IQCH: variants seen among roughly 807,000 people sequenced by gnomAD.
IQCH encodes the protein IQ motif containing H, also known as IQ domain-containing protein H.
Under a neutral mutation model 117.0 loss-of-function variants are expected in IQCH, and 98 were observed. That is an observed-to-expected ratio of 0.84 (90% CI 0.71 to 0.99). The LOEUF (loss-of-function observed/expected upper bound fraction) is 0.99, where lower values mean the gene tolerates loss of function less well. Among genes scored for constraint, IQCH ranks in the 50% least tolerant of loss-of-function variants. The pLI is 0.00. For missense variants in IQCH, 1,102 were observed against 1,243.8 expected, an observed-to-expected ratio of 0.89 and a Z score of 1.72; for synonymous variants, 412 against 448.2, an observed-to-expected ratio of 0.92 and a Z score of 1.02.
chr15:67,497,024 CAAAA>C (rs753821092), intron 20 of IQCH, among the ~76,000 whole-genome samples: 2 of 35,836 alleles, frequency 5.6e-5, no homozygotes, highest in Non-Finnish European at 1.2e-4. Flanking sequence ...GACTCCGTCT[CAAAA>C]AAAAAAAAAA....
intron 6 of IQCH, 58 bp downstream of exon 6, chr15:67,344,249 AG>A (rs1429165227): frequency 1.9e-5 from 30 of 1,560,778 alleles, no homozygotes; most frequent in Non-Finnish European, 2.6e-5. Flanking sequence ...TCTCTGCCCC[AG>A]ATCTAGCCTT....
chr15:67,408,289 A>G lies in IQCH; in HGVS notation c.2097+7984A>G, dbSNP rs1268322450. 1.3e-5 allele frequency: 2 copies of G among 152,248 alleles called. No individual in the cohort carries two copies. The highest frequency in any genetic ancestry group is 2.9e-5 in the Non-Finnish European group (2 of 68,058). The allele number at this position is 152,248 out of a possible 1,614,324, so 9.4% of individuals were successfully genotyped here. A position where few individuals can be genotyped will look rare whatever the true frequency, so the allele number is the denominator to read the frequency against. On this transcript the variant is annotated intron_variant, in intron 14 of 20. Transcript: ENST00000335894. The surrounding 1 kb of genome is among the most constrained non-coding windows in gnomAD (Gnocchi z 4.2). The stretch of plus-strand genomic sequence containing the variant: ...GCATGGGCATTTGGAACCGTTTCAG[A>G]ATGAGTTTTACTCTCCTCTGACGGT...
intron 3 of IQCH, among the ~76,000 whole-genome samples, chr15:67,272,365 G>A (rs958054184): frequency 3.2e-4 from 48 of 152,258 alleles, no homozygotes; most frequent in Non-Finnish European, 6.2e-4. Flanking sequence ...TCTGGAGAAC[G>A]TTCCATGTGC....
At chr15:67,258,086 C>G (rs1965297135) in intron 1 of IQCH, among the ~76,000 whole-genome samples, 1 of 151,986 alleles carries the variant, frequency 6.6e-6, no homozygotes, top group Non-Finnish European at 1.5e-5. Flanking sequence ...CAAAAATTAG[C>G]TAGGTGTGGT....
intron 4 of IQCH, among the ~76,000 whole-genome samples, chr15:67,329,204 TAGG>T (rs1968549029): frequency 6.6e-6 from 1 of 151,286 alleles, no homozygotes; most frequent in African/African-American, 2.4e-5. Context: ...GAGGCTGAGG[TAGG>T]AGGATTGCTT....
At chr15:67,348,461 A>C (rs944223069) in intron 6 of IQCH, among the ~76,000 whole-genome samples, 1 of 152,116 alleles carries the variant, frequency 6.6e-6, no homozygotes, top group African/African-American at 2.4e-5. Context: ...AAATAAATTG[A>C]ATTTCAATTT....
Position 67,276,152 on chromosome 15 carries a change from AG to A in IQCH, c.270-3242del, listed in dbSNP as rs201159988. On this transcript the variant is annotated intron_variant, in intron 3 of 20. Transcript: ENST00000335894. ...TCAAGCATATGCTGAGGGGGAGAAA[AG>A]CAGTGTACAAAATTATATCTCAATT... Among the ~76,000 whole-genome samples the A allele has an allele frequency of 7.0e-3, 1,067 of 152,326 alleles. 4 individuals are homozygous for A. Among genetic ancestry groups the A allele is most frequent in the Middle Eastern group, 0.024 (7 of 294 alleles).
At position 67,443,360 on chromosome 15, in the gene IQCH, T is replaced by C. The variant is rs748671638; in HGVS notation, c.2506-21767T>C. ...CGGACATCGTATGTTCTCACTGATATGTGGGAGCTAAGCTATGAGGATTCA... is the reference window on the plus strand; with the variant it reads ...CGGACATCGTATGTTCTCACTGATACGTGGGAGCTAAGCTATGAGGATTCA... On this transcript the variant is annotated intron_variant, in intron 16 of 20. Transcript: ENST00000335894. The surrounding 1 kb of genome is among the most constrained non-coding windows in gnomAD (Gnocchi z 5.0). Among the ~76,000 whole-genome samples the C allele has an allele frequency of 6.6e-6, 1 of 152,130 alleles. No individual in the cohort carries two copies. The highest frequency in any genetic ancestry group is 1.5e-5 in the Non-Finnish European group (1 of 68,032).
intron 5 of IQCH, 148 bp from the exon 6 acceptor site, chr15:67,343,915 A>G (rs1969274651): frequency 3.4e-6 from 2 of 586,702 alleles, no homozygotes; most frequent in South Asian, 5.0e-5. Flanking sequence ...TACTGTAGCT[A>G]TTTTTTTATG....
intron 4 of IQCH, among the ~76,000 whole-genome samples, chr15:67,282,890 T>C (rs1044420380): frequency 3.9e-5 from 6 of 152,162 alleles, no homozygotes; most frequent in East Asian, 3.9e-4. Flanking sequence ...TAATTTAGAA[T>C]TGTTTATTAA....
chr15:67,280,037 A>T (rs1213126046), intron 4 of IQCH, among the ~76,000 whole-genome samples: 1 of 152,150 alleles, frequency 6.6e-6, no homozygotes, highest in East Asian at 1.9e-4. Flanking sequence ...TGTGAATTTT[A>T]TGGTATATTA....
chr15:67,457,971 T>A lies in IQCH; in HGVS notation c.2506-7156T>A, dbSNP rs2082698102. Among the ~76,000 whole-genome samples, 1 of 116,226 alleles carries A rather than the reference T, an allele frequency of 8.6e-6. No homozygotes were observed. Among genetic ancestry groups the A allele is most frequent in the African/African-American group, 2.9e-5 (1 of 34,782 alleles). 76.2% of individuals were successfully genotyped at this position (116,226 alleles called of 152,430 possible). A position where few individuals can be genotyped will look rare whatever the true frequency, so the allele number is the denominator to read the frequency against. On this transcript the variant is annotated intron_variant, in intron 16 of 20. Transcript: ENST00000335894. This position sits in a 1 kb window ranked among gnomAD's most constrained non-coding sequence, Gnocchi z 5.7. ...TCTGCCTTGTCCCCTGGGGAAGGCC[T>A]CAGGTCCTATAGACCTCACTTCTCA...
At chr15:67,409,958 G>A (rs2081405534) in intron 14 of IQCH, among the ~76,000 whole-genome samples, 1 of 152,212 alleles carries the variant, frequency 6.6e-6, no homozygotes. Context: ...GTGGGAAGTA[G>A]TTTATGACTT....
chr15:67,337,852 G>A (rs933908739), intron 5 of IQCH, among the ~76,000 whole-genome samples: 1 of 152,042 alleles, frequency 6.6e-6, no homozygotes, highest in African/African-American at 2.4e-5. Flanking sequence ...CTGTTGTCTG[G>A]AATTTTTAGG....
rs1469869040 is a variant in IQCH at position 67,342,020 on chromosome 15, C to T, written c.509-2043C>T. Among the ~76,000 whole-genome samples, 1 of 151,996 alleles carries T rather than the reference C, an allele frequency of 6.6e-6. No individual in the cohort carries two copies. Among genetic ancestry groups the T allele is most frequent in the Non-Finnish European group, 1.5e-5 (1 of 67,998 alleles). On this transcript the variant is annotated intron_variant, in intron 5 of 20. Coordinates refer to ENST00000335894, the MANE Select transcript of IQCH (RefSeq NM_001031715.3). The surrounding 1 kb of genome is among the most constrained non-coding windows in gnomAD (Gnocchi z 4.7). The stretch of plus-strand genomic sequence containing the variant: ...GCACAGTGGCTCACACCTATAATCT[C>T]AGCACCTTGGGAGGCCAAGGCAGGA...
intron 17 of IQCH, among the ~76,000 whole-genome samples, chr15:67,469,727 A>C (rs1334581302): frequency 6.6e-6 from 1 of 152,226 alleles, no homozygotes; most frequent in Non-Finnish European, 1.5e-5. Flanking sequence ...CGAGTACTTT[A>C]CTAAGTGCTT....
At chr15:67,409,964 GACTTGCCAAAGACATTTTC>G (rs1474593879) in intron 14 of IQCH, among the ~76,000 whole-genome samples, 1 of 152,194 alleles carries the variant, frequency 6.6e-6, no homozygotes, top group African/African-American at 2.4e-5. Flanking sequence ...AGTAGTTTAT[GACTTGCCAAAGACATTTTC>G]ATTTTTTCTT....
intron 4 of IQCH, among the ~76,000 whole-genome samples, chr15:67,335,597 T>C (rs960000438): frequency 2.0e-5 from 3 of 152,068 alleles, no homozygotes; most frequent in Admixed American, 6.5e-5. Context: ...AAGCTACTCA[T>C]GTCTGGAGAT....
At position 67,467,932 on chromosome 15, in the gene IQCH, A is replaced by G. The variant is rs2082975402; in HGVS notation, c.2676+2635A>G. 6.6e-6 allele frequency among the ~76,000 whole-genome samples: 1 copy of G among 152,216 alleles called. No individual in the cohort carries two copies. Among genetic ancestry groups the G allele is most frequent in the Admixed American group, 6.5e-5 (1 of 15,288 alleles). On this transcript the variant is annotated intron_variant, in intron 17 of 20. Transcript: ENST00000335894. The surrounding 1 kb of genome is among the most constrained non-coding windows in gnomAD (Gnocchi z 5.7). ...GCAAACACCTTCCTGGGCTCTCAGA[A>G]GAGCTGTTGTCTCATCTCAGAAACA...
Sources: gnomAD v4.1 joint callset for allele counts (sites outside exome capture counted in the v4.1 genomes callset) on GRCh38, gnomAD v4.1.1 for gene constraint, Gnocchi (gnomAD v3.1) non-coding constraint, MANE v1.5 for transcripts, NCBI Gene and HGNC (gene_info 2026-07-23, HGNC 2026-07-21) for gene names.